Variants in PARD3 observed in about 807,000 individuals in gnomAD.
PARD3 encodes partitioning defective 3 homolog.
A neutral mutation model predicts 155.4 loss-of-function variants in PARD3; 75 were observed. That is an observed-to-expected ratio of 0.48 (90% CI 0.40 to 0.58). The LOEUF (loss-of-function observed/expected upper bound fraction) is 0.58. PARD3 is among the 20% of genes least tolerant of loss of function. The pLI is 0.00. For synonymous variants in PARD3, 576 were observed against 610.5 expected (o/e 0.94, Z 0.83); for missense variants, 1,642 against 1,721.7 (o/e 0.95, Z 0.82).
At chr10:34,690,924 A>G (rs2094046324) in intron 2 of PARD3, among the ~76,000 whole-genome samples, 1 of 152,166 alleles carries the variant, frequency 6.6e-6, no homozygotes, top group Non-Finnish European at 1.5e-5. Flanking sequence ...TCCATACATC[A>G]AAACACAGCC....
At chr10:34,570,084 T>C (rs2086267840) in intron 2 of PARD3, among the ~76,000 whole-genome samples, 1 of 152,226 alleles carries the variant, frequency 6.6e-6, no homozygotes. Flanking sequence ...TCTAATCCTA[T>C]AATAAGTAAA....
At chr10:34,362,481 G>C (rs1168352049) in intron 12 of PARD3, among the ~76,000 whole-genome samples, 1 of 151,990 alleles carries the variant, frequency 6.6e-6, no homozygotes, top group Non-Finnish European at 1.5e-5. Context: ...GGTCCATGTA[G>C]CTCAAAACAA....
At chr10:34,616,434 G>C (rs1057438802) in intron 2 of PARD3, among the ~76,000 whole-genome samples, 30 of 152,196 alleles carry the variant, frequency 2.0e-4, no homozygotes, top group Non-Finnish European at 3.1e-4. Flanking sequence ...GCGTTCCCAT[G>C]TTCACTGCGG....
At chr10:34,368,010 T>A (rs1203246399) in intron 12 of PARD3, among the ~76,000 whole-genome samples, 2 of 152,078 alleles carry the variant, frequency 1.3e-5, no homozygotes, top group Non-Finnish European at 2.9e-5. Context: ...CTCAGCACTT[T>A]GGAAGGCCAT....
chr10:34,267,920 T>C (rs942464565), intron 22 of PARD3, among the ~76,000 whole-genome samples: 12 of 152,168 alleles, frequency 7.9e-5, no homozygotes, highest in Non-Finnish European at 1.5e-4. Context: ...TGACACACAC[T>C]AAAGCTTGAG....
At chr10:34,599,695 GC>G (rs570856705) in intron 2 of PARD3, among the ~76,000 whole-genome samples, 51 of 152,248 alleles carry the variant, frequency 3.3e-4, no homozygotes, top group African/African-American at 1.2e-3. Flanking sequence ...CCTTATGTGG[GC>G]TTACTTGGTT....
chr10:34,121,965 GAC>G (rs1947029604), intron 23 of PARD3, among the ~76,000 whole-genome samples: 1 of 152,218 alleles, frequency 6.6e-6, no homozygotes, highest in Admixed American at 6.5e-5. Context: ...CATTAAAAGA[GAC>G]AGACATTTTC....
chr10:34,245,576 G>GAAACAAAACAAAACAAAACAAAACA (rs5784403), intron 22 of PARD3, among the ~76,000 whole-genome samples: 12 of 148,164 alleles, frequency 8.1e-5, no homozygotes, highest in African/African-American at 2.5e-4. Flanking sequence ...ATACATCCCT[G>GAAACAAAACAAAACAAAACAAAACA]AAACAAAACA....
chr10:34,749,810 C>T (rs1835761691), intron 1 of PARD3, among the ~76,000 whole-genome samples: 1 of 152,062 alleles, frequency 6.6e-6, no homozygotes, highest in African/African-American at 2.4e-5. Context: ...CACTTGAGTT[C>T]AGGAGTTTGA....
At chr10:34,155,847 T>C (rs1573218) in intron 22 of PARD3, among the ~76,000 whole-genome samples, 43,919 of 151,680 alleles carry the variant, frequency 0.29, 6,781 homozygotes, top group Middle Eastern at 0.42. Context: ...CTGGGACCAC[T>C]GTATTCAGAG....
chr10:34,381,859 G>A (rs2134739867), intron 9 of PARD3, among the ~76,000 whole-genome samples: 1 of 137,688 alleles, frequency 7.3e-6, no homozygotes, highest in South Asian at 2.3e-4. Flanking sequence ...GCTACGGTGA[G>A]CTATGACTGC....
chr10:34,213,255 G>A (rs1410025160), intron 22 of PARD3, among the ~76,000 whole-genome samples: 1 of 152,134 alleles, frequency 6.6e-6, no homozygotes, highest in African/African-American at 2.4e-5. Context: ...AAGAGAGAAA[G>A]CAAGAAAGAG....
chr10:34,573,360 A>T (rs1329334007), intron 2 of PARD3, among the ~76,000 whole-genome samples: 1 of 151,988 alleles, frequency 6.6e-6, no homozygotes, highest in Non-Finnish European at 1.5e-5. Flanking sequence ...TGTCTCTTAA[A>T]AATAGGTAAG....
chr10:34,258,027 T>C (rs1954750201), intron 22 of PARD3, among the ~76,000 whole-genome samples: 1 of 152,202 alleles, frequency 6.6e-6, no homozygotes. Flanking sequence ...ATGTATTAGA[T>C]GCAATTGGAT....
chr10:34,647,135 T>G (rs1349978295), intron 2 of PARD3, among the ~76,000 whole-genome samples: 1 of 152,220 alleles, frequency 6.6e-6, no homozygotes, highest in Non-Finnish European at 1.5e-5. Context: ...CTTCAGGATG[T>G]CTGTAGTTAA....
At chr10:34,194,632 T>C (rs551338996) in intron 22 of PARD3, among the ~76,000 whole-genome samples, 312 of 88,090 alleles carry the variant, frequency 3.5e-3, no homozygotes, top group African/African-American at 0.013. Flanking sequence ...TTTTTTTTTT[T>C]CTTAAATTAA....
chr10:34,360,327 A>T lies in PARD3; in HGVS notation c.1708-68T>A, dbSNP rs1342609880. The T allele has an allele frequency of 5.2e-6, 6 of 1,162,204 alleles. No homozygotes were observed. In the Admixed American group the frequency reaches 8.9e-5, roughly 17 times the overall value. The allele number at this position is 1,162,204 out of a possible 1,614,324, so 72.0% of individuals were successfully genotyped here. A position where few individuals can be genotyped will look rare whatever the true frequency, so the allele number is the denominator to read the frequency against. On this transcript the variant is annotated intron_variant, in intron 12 of 24. Transcript: ENST00000374788. ...TTCTTTCTCAAAGTTATTTTTAAAG[A>T]CTGCTAATGAGCAGTTCCTTAATCA...
chr10:34,371,702 T>C (rs1022007902), intron 12 of PARD3, among the ~76,000 whole-genome samples: 6 of 152,034 alleles, frequency 3.9e-5, no homozygotes, highest in Admixed American at 3.3e-4. Flanking sequence ...ACTATGGAAA[T>C]GACTTTGCTA....
At chr10:34,588,802 T>C (rs752581336) in intron 2 of PARD3, among the ~76,000 whole-genome samples, 24 of 152,218 alleles carry the variant, frequency 1.6e-4, no homozygotes, top group Admixed American at 2.6e-4. Context: ...GCTGGCAGCA[T>C]CAGTATCAGC....
Sources: allele counts gnomAD v4.1 joint callset (sites outside exome capture counted in the v4.1 genomes callset), GRCh38; gene constraint gnomAD v4.1.1; transcripts MANE v1.5; gene names NCBI Gene and HGNC (gene_info 2026-07-23, HGNC 2026-07-21).